VPS13A: variants seen among roughly 807,000 people sequenced by gnomAD.
VPS13A encodes the protein intermembrane lipid transfer protein VPS13A.
Under a neutral mutation model 390.9 loss-of-function variants are expected in VPS13A, and 264 were observed. The observed-to-expected ratio is 0.68, with a 90% CI of 0.61 to 0.75. VPS13A has a LOEUF of 0.75. VPS13A is among the 30% of genes least tolerant of loss of function. The pLI, the probability that VPS13A is intolerant of heterozygous loss-of-function variation, is 0.00. For synonymous variants in VPS13A, 1,231 were observed against 1,227.1 expected, an observed-to-expected ratio of 1.00 and a Z score of -0.07; for missense variants, 3,409 against 3,733.9, an observed-to-expected ratio of 0.91 and a Z score of 2.27.
rs1459836732 is a variant in VPS13A at position 77,348,006 on chromosome 9, C to T, written c.7289+2864C>T. The stretch of plus-strand genomic sequence containing the variant: ...TGGCAAGGCTGTGGAGAAATAGGAA[C>T]GCTTTTACACTGTTGCTGGAAGTGT... On this transcript the variant is annotated intron_variant, in intron 52 of 71. Coordinates refer to ENST00000360280, the MANE Select transcript of VPS13A (RefSeq NM_033305.3). Among the ~76,000 whole-genome samples, 3 of 152,046 alleles carry T rather than the reference C, an allele frequency of 2.0e-5. 1 individual carries two copies. The highest frequency in any genetic ancestry group is 4.1e-4 in the South Asian group (2 of 4,824).
chr9:77,204,468 TTTA>T (rs1389715017), intron 3 of VPS13A, among the ~76,000 whole-genome samples: 4 of 152,152 alleles, frequency 2.6e-5, no homozygotes, highest in East Asian at 1.9e-4. Context: ...CCCAGAATAT[TTTA>T]TTATTACTTT....
At chr9:77,284,362 A>G (rs1457989195) in intron 31 of VPS13A, among the ~76,000 whole-genome samples, 1 of 152,214 alleles carries the variant, frequency 6.6e-6, no homozygotes, top group East Asian at 1.9e-4. Flanking sequence ...TTTTGCCAGT[A>G]ATACTGTAGT....
At chr9:77,310,403 A>T (rs59503232) in intron 35 of VPS13A, among the ~76,000 whole-genome samples, 1 of 152,216 alleles carries the variant, frequency 6.6e-6, no homozygotes, top group African/African-American at 2.4e-5. Flanking sequence ...TATGTAGGAT[A>T]CAGAGTTAGC....
chr9:77,292,871 A>G (rs1827758858), intron 31 of VPS13A, among the ~76,000 whole-genome samples: 1 of 152,188 alleles, frequency 6.6e-6, no homozygotes. Flanking sequence ...AAGGAACAGA[A>G]GTATAGCAAT....
intron 31 of VPS13A, among the ~76,000 whole-genome samples, chr9:77,287,919 C>T (rs896221399): frequency 2.6e-5 from 4 of 152,144 alleles, no homozygotes; most frequent in Non-Finnish European, 5.9e-5. Flanking sequence ...GTAAAACTTA[C>T]CTCTTTTAGT....
chr9:77,248,360 C>T (rs1048347725), intron 20 of VPS13A, among the ~76,000 whole-genome samples: 1 of 151,414 alleles, frequency 6.6e-6, no homozygotes, highest in Admixed American at 6.6e-5. Flanking sequence ...GGACTCCAGG[C>T]CCCCGCCACC....
At chr9:77,353,131 C>T (rs781231346) in intron 53 of VPS13A, among the ~76,000 whole-genome samples, 3 of 151,938 alleles carry the variant, frequency 2.0e-5, no homozygotes, top group Admixed American at 6.6e-5. Context: ...GATTAGCCTA[C>T]GTGGGAAGGT....
In VPS13A at chr9:77,205,859, G is replaced by A. The variant is rs538172821; in HGVS notation, c.284-119G>A. 92 of 702,572 alleles carry A rather than the reference G, an allele frequency of 1.3e-4. 2 individuals are homozygous for A. The South Asian group carries it at 1.6e-3, about 12-fold the overall frequency. 43.5% of individuals were successfully genotyped at this position (702,572 alleles called of 1,614,324 possible). A position where few individuals can be genotyped will look rare whatever the true frequency, so the allele number is the denominator to read the frequency against. ...CCCAGCTTGGCCTCCCAAAGTGCTG[G>A]GATTACAGGCATGAGCCACCGCGCC... is the stretch of plus-strand genomic sequence containing the variant. On this transcript the variant is annotated intron_variant, in intron 4 of 71. Transcript: ENST00000360280.
chr9:77,372,769 G>T (rs1006717158), intron 67 of VPS13A, among the ~76,000 whole-genome samples: 1 of 152,172 alleles, frequency 6.6e-6, no homozygotes, highest in Non-Finnish European at 1.5e-5. Context: ...CTTAAGCTAA[G>T]AAGCAACTTC....
intron 22 of VPS13A, among the ~76,000 whole-genome samples, chr9:77,259,768 G>C (rs951492856): frequency 6.6e-6 from 1 of 152,154 alleles, no homozygotes; most frequent in Non-Finnish European, 1.5e-5. Flanking sequence ...AGATTGTGAG[G>C]ACTGTTTACA....
chr9:77,382,021 C>G lies in VPS13A; in HGVS notation c.9123C>G (p.Phe3041Leu). 1 of 1,608,432 alleles carries G rather than the reference C, an allele frequency of 6.2e-7. No homozygotes were observed. Among genetic ancestry groups the G allele is most frequent in the Non-Finnish European group, 8.5e-7 (1 of 1,177,034 alleles). Reference protein sequence around the residue: ...SEVESLRPPRFFNEDGVIRPY... With the variant: ...SEVESLRPPRLFNEDGVIRPY... ...TGGAGAGTCTGCGACCTCCTCGGTT[C>G]TTCAATGAAGATGGAGTTATCAGAC... Residue 3041 changes from phenylalanine (F) to leucine (L), a missense_variant, in exon 68 of 72, where the codon TTC (phenylalanine) becomes TTG (leucine). Physicochemically the swap from Phe to Leu is conservative, Grantham distance 22. Coordinates refer to ENST00000360280, the MANE Select transcript of VPS13A (RefSeq NM_033305.3).
Position 77,286,715 on chromosome 9 carries a change from T to C in VPS13A, c.3339+3065T>C, listed in dbSNP as rs115215115. The stretch of plus-strand genomic sequence containing the variant: ...GACTTTGGACAGGTAGACATCACAG[T>C]TGATGGTCAGGAACTGGTCTAGCAA... On this transcript the variant is annotated intron_variant, in intron 31 of 71. Coordinates refer to ENST00000360280, the MANE Select transcript of VPS13A (RefSeq NM_033305.3). 8.5e-3 allele frequency among the ~76,000 whole-genome samples: 1,298 copies of C among 152,266 alleles called. 24 individuals carry two copies. The highest frequency in any genetic ancestry group is 0.03 in the African/African-American group (1,249 of 41,534).
chr9:77,239,865 A>C (rs1049471909), intron 19 of VPS13A, among the ~76,000 whole-genome samples: 7 of 151,780 alleles, frequency 4.6e-5, no homozygotes, highest in East Asian at 1.9e-4. Context: ...AATATTCTCT[A>C]TCTCTTTTTA....
chr9:77,228,341 G>T lies in VPS13A; in HGVS notation c.1595+77G>T. ...TCTTAGACATTAGGTCACAATCTTA[G>T]TCTTTTGTAAAGAGCACTATAGTTT... On this transcript the variant is annotated intron_variant, in intron 17 of 71. Transcript: ENST00000360280. The T allele has an allele frequency of 5.7e-6, 8 of 1,402,788 alleles. No homozygotes were observed. In the South Asian group the frequency reaches 1.1e-4, roughly 19 times the overall value. The allele number at this position is 1,402,788 out of a possible 1,614,324, so 86.9% of individuals were successfully genotyped here.
intron 1 of VPS13A, among the ~76,000 whole-genome samples, chr9:77,187,602 C>G (rs1824414683): frequency 7.9e-6 from 1 of 126,528 alleles, no homozygotes; most frequent in African/African-American, 3.5e-5. Flanking sequence ...AGTTTACATA[C>G]AAACATACAC....
At chr9:77,200,158 A>G (rs1407531509) in intron 2 of VPS13A, among the ~76,000 whole-genome samples, 170 bp downstream of exon 2, 1 of 152,164 alleles carries the variant, frequency 6.6e-6, no homozygotes, top group Non-Finnish European at 1.5e-5. Context: ...TGAAAGCACA[A>G]ATGGACAGTG....
rs1835166299 is a variant in VPS13A, at chr9:77,416,226, C to T, written c.*220C>T. On this transcript the variant is annotated 3_prime_UTR_variant, in exon 72 of 72. Coordinates refer to ENST00000360280, the MANE Select transcript of VPS13A (RefSeq NM_033305.3). ...AATATTTTAATTCTTCAGCAATTAC[C>T]CGGTTTTCTAAATTGAATCATGCAT... 2.0e-6 allele frequency: 1 copy of T among 492,512 alleles called. No homozygotes were observed. Among genetic ancestry groups the T allele is most frequent in the African/African-American group, 1.9e-5 (1 of 51,418 alleles). The allele number at this position is 492,512 out of a possible 1,614,324, so 30.5% of individuals were successfully genotyped here.
At chr9:77,299,648 A>G (rs1396030429) in intron 33 of VPS13A, among the ~76,000 whole-genome samples, 1 of 152,250 alleles carries the variant, frequency 6.6e-6, no homozygotes, top group Non-Finnish European at 1.5e-5. Flanking sequence ...AATACTGTTC[A>G]CAATAGCAAA....
At position 77,210,694 on chromosome 9, in the gene VPS13A, A is replaced by G; in HGVS notation, c.555+19A>G. On this transcript the variant is annotated intron_variant, in intron 7 of 71. Coordinates refer to ENST00000360280, the MANE Select transcript of VPS13A (RefSeq NM_033305.3). ...CATGCAGGTATTTTGTTTATAAAAG[A>G]ATCTTAACCATATTTAATGTGCAAT... The G allele has an allele frequency of 6.2e-7, 1 of 1,609,962 alleles. No homozygotes were observed. Among genetic ancestry groups the G allele is most frequent in the Non-Finnish European group, 8.5e-7 (1 of 1,176,668 alleles).
Sources: gnomAD v4.1 joint callset for allele counts (sites outside exome capture counted in the v4.1 genomes callset) on GRCh38, gnomAD v4.1.1 for gene constraint, MANE v1.5 for transcripts, NCBI Gene and HGNC (gene_info 2026-07-23, HGNC 2026-07-21) for gene names.